FGF1: variants seen among roughly 807,000 people sequenced by gnomAD.
FGF1 encodes the protein fibroblast growth factor 1, also known as beta-endothelial cell growth factor.
A neutral mutation model predicts 13.4 loss-of-function variants in FGF1; 9 were observed. The ratio of observed to expected loss-of-function variants is 0.67; its 90% CI spans 0.40 to 1.17. FGF1 has a LOEUF of 1.17. FGF1 is among the 50% of genes most tolerant of loss of function. The pLI, the probability that FGF1 is intolerant of heterozygous loss-of-function variation, is 0.01. For synonymous variants in FGF1, 93 were observed against 79.0 expected (o/e 1.18, Z -0.94); for missense variants, 156 against 192.7 (o/e 0.81, Z 1.13).
chr5:142,633,912 T>C (rs769380733), intron 1 of FGF1, among the ~76,000 whole-genome samples: 3 of 151,752 alleles, frequency 2.0e-5, no homozygotes, highest in South Asian at 2.1e-4. Flanking sequence ...CGGCTGGGCG[T>C]GGTGGCTCAC....
At position 142,595,309 on chromosome 5, in the gene FGF1, AG is replaced by A. The variant is rs753037736; in HGVS notation, c.448del (p.Leu150CysfsTer14). 6.2e-7 allele frequency: 1 copy of A among 1,613,964 alleles called. No individual in the cohort carries two copies. Among genetic ancestry groups the A allele is most frequent in the Admixed American group, 1.7e-5 (1 of 60,018 alleles). ...ATCTCTTTAATCAGAAGAGACTGGC[AG>A]GGGGAGAAACAAGATTGCTTTCTGG... Reference protein sequence around the residue: ...YGQKAILFLPLPVSSD With the variant: ...YGQKAILFLPXPVSSD On this transcript the variant is annotated frameshift_variant, in exon 4 of 4. Transcript: ENST00000337706. LOFTEE classifies it high-confidence loss of function.
chr5:142,600,062 C>T (rs1167480785), intron 3 of FGF1, among the ~76,000 whole-genome samples: 2 of 152,186 alleles, frequency 1.3e-5, no homozygotes, highest in Non-Finnish European at 2.9e-5. Flanking sequence ...ACCTATAGCA[C>T]GTAGTACCTA....
rs555500634 is a variant in FGF1, at chr5:142,656,730, G to A, written c.-35+29227C>T. Among the ~76,000 whole-genome samples, 13 of 152,314 alleles carry A rather than the reference G, an allele frequency of 8.5e-5. 1 individual carries two copies. The East Asian group carries it at 2.5e-3, about 29-fold the overall frequency. ...GCACTAGACACACATGTACACATAT[G>A]AGTGGGGAAAAGGAAGCCTCAGGAC... is the stretch of plus-strand genomic sequence containing the variant. On this transcript the variant is annotated intron_variant, in intron 1 of 3. Transcript: ENST00000337706.
rs1759643955 is a variant in FGF1, at chr5:142,613,995, T to C, written c.133A>G (p.Thr45Ala). The stretch of plus-strand genomic sequence containing the variant: ...CTCCTGTCCCTTGTCCCATCCACTG[T>C]GCCATCCGGAAGGATCCTCAGGAAG... ...GHFLRILPDG[T>A]VDGTRDRSDQ... The change falls in exon 2 of 4, where the codon ACA (threonine) becomes GCA (alanine). Residue 45 changes from threonine to alanine, a missense_variant. Physicochemically the swap from Thr to Ala is moderately conservative, Grantham distance 58. Coordinates refer to ENST00000337706, the MANE Select transcript of FGF1 (RefSeq NM_000800.5). The C allele has an allele frequency of 6.2e-7, 1 of 1,613,990 alleles. No homozygotes were observed. Among genetic ancestry groups the C allele is most frequent in the African/African-American group, 1.3e-5 (1 of 74,900 alleles).
intron 1 of FGF1, among the ~76,000 whole-genome samples, chr5:142,627,611 AG>A (rs1194011962): frequency 2.0e-5 from 3 of 152,328 alleles, no homozygotes; most frequent in African/African-American, 7.2e-5. Flanking sequence ...GGATCTTGAA[AG>A]GGGGCCATGG....
intron 1 of FGF1, among the ~76,000 whole-genome samples, chr5:142,638,947 A>G (rs1388965987): frequency 1.3e-5 from 2 of 152,050 alleles, no homozygotes; most frequent in Non-Finnish European, 2.9e-5. Flanking sequence ...CATTAGGGAA[A>G]CACAAATTAA....
intron 1 of FGF1, chr5:142,626,912 A>T (rs1762552206): frequency 6.6e-6 from 1 of 152,260 alleles, no homozygotes; most frequent in African/African-American, 2.4e-5. Context: ...CTGCTGTGTC[A>T]TTAAGTTCTT....
intron 2 of FGF1, among the ~76,000 whole-genome samples, chr5:142,695,242 T>G (rs1470836061): frequency 6.6e-6 from 1 of 152,160 alleles, no homozygotes; most frequent in Non-Finnish European, 1.5e-5. Flanking sequence ...ATACCATCTG[T>G]GTTTGCTATA....
upstream of FGF1, among the ~76,000 whole-genome samples, chr5:142,689,556 G>GC (rs1311082284): frequency 1.3e-5 from 2 of 152,132 alleles, no homozygotes; most frequent in Non-Finnish European, 2.9e-5. Flanking sequence ...ATATGCGCTT[G>GC]CCCGCCGCTG....
chr5:142,686,894 C>T (rs770458732), upstream of FGF1, among the ~76,000 whole-genome samples: 1 of 152,064 alleles, frequency 6.6e-6, no homozygotes, highest in Non-Finnish European at 1.5e-5. Flanking sequence ...CTTCAATGGG[C>T]CATGGACATC....
intron 2 of FGF1, among the ~76,000 whole-genome samples, chr5:142,691,421 CAAATA>C (rs151025512): frequency 0.44 from 55,809 of 127,476 alleles, 12,759 homozygotes; most frequent in Middle Eastern, 0.53. Context: ...GACTCTGTCT[CAAATA>C]AAATAAAATA....
At chr5:142,693,335 G>T (rs1300868916) in intron 2 of FGF1, among the ~76,000 whole-genome samples, 3 of 151,918 alleles carry the variant, frequency 2.0e-5, no homozygotes, top group Admixed American at 2.0e-4. Flanking sequence ...CTGTCGCCCA[G>T]GCTGGAGTGC....
At chr5:142,653,665 C>T (rs1009911588) in intron 1 of FGF1, among the ~76,000 whole-genome samples, 21 of 152,224 alleles carry the variant, frequency 1.4e-4, no homozygotes, top group Non-Finnish European at 7.3e-5. Flanking sequence ...GGGATGTCCT[C>T]CTCTACCCCT....
chr5:142,630,270 C>T (rs546115033), intron 1 of FGF1, among the ~76,000 whole-genome samples: 1 of 152,230 alleles, frequency 6.6e-6, no homozygotes, highest in Admixed American at 6.5e-5. Flanking sequence ...CTAGTCCCAG[C>T]TGTGTTAGCT....
At chr5:142,645,110 T>C (rs993143407) in intron 1 of FGF1, among the ~76,000 whole-genome samples, 3 of 152,118 alleles carry the variant, frequency 2.0e-5, no homozygotes, top group Non-Finnish European at 4.4e-5. Context: ...TGGCTTGTAA[T>C]GCAGTCATCT....
rs17223821 is a variant in FGF1, at chr5:142,599,193, G to A, written c.273+1509C>T. Among the ~76,000 whole-genome samples, 269 of 152,270 alleles carry A rather than the reference G, an allele frequency of 1.8e-3. 1 individual carries two copies. The highest frequency in any genetic ancestry group is 6.1e-3 in the African/African-American group (253 of 41,538). ...TTCAATCATGAGTCTGAGACTAAGCGATTGACTGATGGATTGATTTTACTA... is the reference window on the plus strand; with the variant it reads ...TTCAATCATGAGTCTGAGACTAAGCAATTGACTGATGGATTGATTTTACTA... On this transcript the variant is annotated intron_variant, in intron 3 of 3. Transcript: ENST00000337706.
intron 2 of FGF1, among the ~76,000 whole-genome samples, chr5:142,603,221 C>G (rs1756963100): frequency 6.6e-6 from 1 of 152,196 alleles, no homozygotes; most frequent in South Asian, 2.1e-4. Context: ...TCCCTGTTTT[C>G]CTGGGATCTT....
intron 2 of FGF1, among the ~76,000 whole-genome samples, chr5:142,613,428 G>A (rs1561551877): frequency 2.6e-5 from 4 of 152,266 alleles, no homozygotes; most frequent in African/African-American, 7.2e-5. Flanking sequence ...GGTTACCACA[G>A]CCACATCTGC....
chr5:142,607,585 A>G (rs975207895), intron 2 of FGF1, among the ~76,000 whole-genome samples: 3 of 152,232 alleles, frequency 2.0e-5, no homozygotes, highest in African/African-American at 7.2e-5. Flanking sequence ...AACTCAGATA[A>G]AGCATTGTAA....
Sources: gnomAD v4.1 joint callset for allele counts (sites outside exome capture counted in the v4.1 genomes callset) on GRCh38, gnomAD v4.1.1 for gene constraint, MANE v1.5 for transcripts, NCBI Gene and HGNC (gene_info 2026-07-23, HGNC 2026-07-21) for gene names.